The following QTMAN variants were observed in gnomAD, a reference collection of about 807,000 sequenced individuals.
QTMAN encodes the protein tRNA-queuosine alpha-mannosyltransferase.
chr2:144,107,280 G>C, the QTMAN span, among the ~76,000 whole-genome samples: 1 of 152,030 alleles, frequency 6.6e-6, no homozygotes, highest in Non-Finnish European at 1.5e-5. Context: ...AGGAAATAGA[G>C]ACACAAAAAA....
chr2:143,951,362 A>G, the QTMAN span, among the ~76,000 whole-genome samples: 5,928 of 151,686 alleles, frequency 0.039, 389 homozygotes, highest in African/African-American at 0.14. Flanking sequence ...TGATTCAAAT[A>G]AAGAAAAGAA....
At chr2:144,133,130 T>TAAATAATATA in the QTMAN span, among the ~76,000 whole-genome samples, 1 of 47,056 alleles carries the variant, frequency 2.1e-5, no homozygotes, top group African/African-American at 1.1e-4. Flanking sequence ...TATATATATA[T>TAAATAATATA]ATATATATAT....
chr2:144,000,399 TC>T, the QTMAN span, among the ~76,000 whole-genome samples: 3 of 151,856 alleles, frequency 2.0e-5, no homozygotes, highest in African/African-American at 7.3e-5. Context: ...CCAACAAATT[TC>T]CCCAAACACT....
the QTMAN span, among the ~76,000 whole-genome samples, chr2:144,309,790 C>T: frequency 6.6e-6 from 1 of 152,146 alleles, no homozygotes; most frequent in South Asian, 2.1e-4. Flanking sequence ...AAAGAAGTAA[C>T]ATTCAGCCAT....
the QTMAN span, among the ~76,000 whole-genome samples, chr2:144,024,771 A>G: frequency 6.6e-6 from 1 of 152,198 alleles, no homozygotes; most frequent in Non-Finnish European, 1.5e-5. Flanking sequence ...TGACACAGAA[A>G]TAGCTTTGCT....
At chr2:144,020,786 T>TA in the QTMAN span, among the ~76,000 whole-genome samples, 395 of 149,648 alleles carry the variant, frequency 2.6e-3, 1 homozygote, top group African/African-American at 6.1e-3. Context: ...GGAAAAAACT[T>TA]AAAAAAAAAC....
the QTMAN span, among the ~76,000 whole-genome samples, chr2:144,176,421 T>C: frequency 6.6e-6 from 1 of 152,032 alleles, no homozygotes; most frequent in Non-Finnish European, 1.5e-5. Flanking sequence ...TGGGAAGAAA[T>C]ATTAAAGTCA....
At chr2:144,285,812 T>C in the QTMAN span, among the ~76,000 whole-genome samples, 1 of 152,214 alleles carries the variant, frequency 6.6e-6, no homozygotes, top group South Asian at 2.1e-4. Flanking sequence ...TAAGAGAATA[T>C]AGATAATCAG....
At chr2:144,195,950 G>A in the QTMAN span, among the ~76,000 whole-genome samples, 1 of 151,966 alleles carries the variant, frequency 6.6e-6, no homozygotes, top group Admixed American at 6.6e-5. Context: ...AGTAAGTCAA[G>A]GATTCTTAAA....
the QTMAN span, among the ~76,000 whole-genome samples, chr2:144,231,843 G>GGTGTGT: frequency 0.032 from 4,451 of 138,378 alleles, 85 homozygotes; most frequent in Middle Eastern, 0.051. Flanking sequence ...GAATGAAAGA[G>GGTGTGT]GTGTGTGTGT....
At chr2:144,114,041 T>C in the QTMAN span, among the ~76,000 whole-genome samples, 1 of 152,258 alleles carries the variant, frequency 6.6e-6, no homozygotes, top group South Asian at 2.1e-4. Context: ...GCTTCTCACA[T>C]CCCAGACTTA....
At chr2:144,203,263 G>A in the QTMAN span, among the ~76,000 whole-genome samples, 1 of 152,226 alleles carries the variant, frequency 6.6e-6, no homozygotes, top group South Asian at 2.1e-4. Flanking sequence ...GAGACAGAAA[G>A]AGGCAGGGAC....
chr2:144,037,551 G>C, the QTMAN span, among the ~76,000 whole-genome samples: 2 of 152,114 alleles, frequency 1.3e-5, no homozygotes, highest in East Asian at 3.9e-4. Flanking sequence ...AGGGCATGGG[G>C]GCAGGGACAG....
At chr2:144,124,662 A>C in the QTMAN span, among the ~76,000 whole-genome samples, 1 of 152,032 alleles carries the variant, frequency 6.6e-6, no homozygotes, top group African/African-American at 2.4e-5. Context: ...TTATTCCTCA[A>C]ACAAACCAAA....
chr2:144,107,963 TA>T, the QTMAN span, among the ~76,000 whole-genome samples: 1 of 152,208 alleles, frequency 6.6e-6, no homozygotes, highest in Admixed American at 6.5e-5. Flanking sequence ...CGCAAATCAA[TA>T]AACGTAATCC....
chr2:144,184,102 G>A, the QTMAN span, among the ~76,000 whole-genome samples: 2 of 152,150 alleles, frequency 1.3e-5, no homozygotes, highest in Non-Finnish European at 2.9e-5. Context: ...TCAAAGCTGG[G>A]AGAATAGCAT....
At chr2:144,281,395 C>CAAAAAAAAAAAAA in the QTMAN span, among the ~76,000 whole-genome samples, 3 of 60,592 alleles carry the variant, frequency 5.0e-5, no homozygotes, top group African/African-American at 6.4e-5. Flanking sequence ...ATTGTTATAG[C>CAAAAAAAAAAAAA]AAAAAAAAAA....
chr2:143,952,914 T>C, the QTMAN span: 12 of 937,086 alleles, frequency 1.3e-5, no homozygotes, highest in South Asian at 1.7e-4. Context: ...AAAGTGGTTT[T>C]GTTTGCCTAA....
the QTMAN span, among the ~76,000 whole-genome samples, chr2:144,206,175 T>C: frequency 6.6e-6 from 1 of 152,020 alleles, no homozygotes; most frequent in Non-Finnish European, 1.5e-5. Flanking sequence ...ATTCAAAGTC[T>C]TTCTCATCAG....
Sources: gnomAD v4.1 joint callset for allele counts (sites outside exome capture counted in the v4.1 genomes callset) on GRCh38, gnomAD v4.1.1 for gene constraint, MANE v1.5 for transcripts, NCBI Gene and HGNC (gene_info 2026-07-23, HGNC 2026-07-21) for gene names.